EPB41: variants seen among roughly 807,000 people sequenced by gnomAD.
The protein encoded by EPB41 is erythrocyte membrane protein band 4.1.
A neutral mutation model predicts 108.0 loss-of-function variants in EPB41; 65 were observed. That is an observed-to-expected ratio of 0.60 (90% CI 0.49 to 0.74). The LOEUF (loss-of-function observed/expected upper bound fraction) is 0.74, where lower values mean the gene tolerates loss of function less well. Ranked by LOEUF, EPB41 falls within the 30% of genes least tolerant of loss-of-function variation. EPB41 has a pLI of 0.00. For missense variants in EPB41, 875 were observed against 1,037.0 expected, an observed-to-expected ratio of 0.84 and a Z score of 2.15; for synonymous variants, 336 against 358.9, an observed-to-expected ratio of 0.94 and a Z score of 0.72.
intron 3 of EPB41, among the ~76,000 whole-genome samples, chr1:28,996,461 G>T (rs1293171753): frequency 1.3e-5 from 2 of 152,184 alleles, no homozygotes; most frequent in Non-Finnish European, 2.9e-5. Flanking sequence ...GAAAATGATA[G>T]AGTCTAATGA....
At chr1:28,952,511 G>A (rs1040990326) in intron 1 of EPB41, among the ~76,000 whole-genome samples, 1 of 152,004 alleles carries the variant, frequency 6.6e-6, no homozygotes, top group Non-Finnish European at 1.5e-5. Context: ...GGGCGACAGA[G>A]CAAAACTCCA....
chr1:28,904,248 A>T (rs181591855), intron 1 of EPB41, among the ~76,000 whole-genome samples: 124 of 148,738 alleles, frequency 8.3e-4, no homozygotes, highest in African/African-American at 3.0e-3. Context: ...TTATAGAGCC[A>T]CTGGACTCAT....
intron 2 of EPB41, 103 bp downstream of exon 2, chr1:28,988,008 A>G: frequency 8.0e-7 from 1 of 1,249,898 alleles, no homozygotes; most frequent in Admixed American, 1.8e-5. Flanking sequence ...CATGCCTGTA[A>G]TTCCACCACT....
intron 1 of EPB41, among the ~76,000 whole-genome samples, chr1:28,964,226 G>T (rs1557837893): frequency 6.6e-6 from 1 of 152,132 alleles, no homozygotes; most frequent in Non-Finnish European, 1.5e-5. Flanking sequence ...ATCACTTTAG[G>T]TCAGGAATTT....
intron 1 of EPB41, among the ~76,000 whole-genome samples, chr1:28,960,454 A>G (rs923908538): frequency 2.0e-5 from 3 of 150,560 alleles, no homozygotes; most frequent in African/African-American, 2.4e-5. Flanking sequence ...CTGGCCAGGC[A>G]TAGTGGCTCA....
chr1:29,081,269 T>G (rs578258133), intron 16 of EPB41, among the ~76,000 whole-genome samples: 10 of 152,218 alleles, frequency 6.6e-5, no homozygotes, highest in Non-Finnish European at 1.5e-4. Flanking sequence ...TCACATCTGT[T>G]AGAAACATTT....
At chr1:28,939,568 CG>C in intron 1 of EPB41, among the ~76,000 whole-genome samples, 1 of 152,058 alleles carries the variant, frequency 6.6e-6, no homozygotes, top group South Asian at 2.1e-4. Flanking sequence ...CTCAGCCTCC[CG>C]AGTAGCTGGG....
chr1:28,923,787 T>G (rs2093282842), intron 1 of EPB41, among the ~76,000 whole-genome samples: 1 of 152,244 alleles, frequency 6.6e-6, no homozygotes, highest in Non-Finnish European at 1.5e-5. Flanking sequence ...TAAATAAATA[T>G]ACCAAAGAAT....
chr1:29,088,895 G>C (rs1660219824), intron 16 of EPB41, among the ~76,000 whole-genome samples: 1 of 152,070 alleles, frequency 6.6e-6, no homozygotes, highest in Non-Finnish European at 1.5e-5. Context: ...AGATCCCTTG[G>C]GCCCAGGGAT....
At chr1:28,924,951 T>C (rs1431900161) in intron 1 of EPB41, among the ~76,000 whole-genome samples, 19 of 145,892 alleles carry the variant, frequency 1.3e-4, no homozygotes, top group Admixed American at 1.2e-3. Context: ...CACACACCAC[T>C]ATGCCTGGCT....
chr1:28,997,952 A>G (rs2096219919), intron 4 of EPB41, among the ~76,000 whole-genome samples: 1 of 152,178 alleles, frequency 6.6e-6, no homozygotes, highest in Non-Finnish European at 1.5e-5. Flanking sequence ...AATTAATTGA[A>G]AATTGCAAAT....
intron 1 of EPB41, among the ~76,000 whole-genome samples, chr1:28,919,208 A>AT (rs969089736): frequency 5.3e-5 from 8 of 152,184 alleles, no homozygotes; most frequent in Non-Finnish European, 1.2e-4. Flanking sequence ...TATTTTGCTG[A>AT]TTTTTTATTT....
chr1:28,918,744 A>T (rs2092863793), intron 1 of EPB41, among the ~76,000 whole-genome samples: 1 of 152,238 alleles, frequency 6.6e-6, no homozygotes. Flanking sequence ...CAACAGAGTG[A>T]AATTCTGTCT....
intron 17 of EPB41, among the ~76,000 whole-genome samples, chr1:29,105,989 A>G (rs774013695): frequency 7.2e-5 from 11 of 152,038 alleles, no homozygotes; most frequent in Non-Finnish European, 1.2e-4. Context: ...ACCTCAGGCA[A>G]TCCACCTGCC....
chr1:29,079,539 T>C (rs1361348570), intron 16 of EPB41, among the ~76,000 whole-genome samples: 2 of 151,684 alleles, frequency 1.3e-5, no homozygotes, highest in Non-Finnish European at 1.5e-5. Flanking sequence ...GCTTCCCAAG[T>C]AGCTGGGATT....
intron 8 of EPB41, among the ~76,000 whole-genome samples, chr1:29,032,118 A>T (rs1157628801): frequency 6.6e-6 from 1 of 151,832 alleles, no homozygotes; most frequent in Non-Finnish European, 1.5e-5. Context: ...AAAAAAAAGA[A>T]AAAAGTTGTT....
chr1:29,028,012 C>T (rs1005366765), intron 7 of EPB41, among the ~76,000 whole-genome samples: 5 of 150,508 alleles, frequency 3.3e-5, no homozygotes, highest in South Asian at 2.1e-4. Context: ...TTAGTAGAGA[C>T]GGGGTTTCTC....
chr1:29,058,672 T>C, intron 13 of EPB41, 27 bp downstream of exon 13: 1 of 1,608,870 alleles, frequency 6.2e-7, no homozygotes, highest in Non-Finnish European at 8.5e-7. Flanking sequence ...CACTTGTTCC[T>C]CTTTCCCTCC....
chr1:29,046,832 C>A (rs1352422688), intron 11 of EPB41, among the ~76,000 whole-genome samples: 2 of 152,028 alleles, frequency 1.3e-5, no homozygotes, highest in African/African-American at 2.4e-5. Flanking sequence ...ATTATTTTTA[C>A]TTTCAATTTT....
Sources: gnomAD v4.1 joint callset for allele counts (sites outside exome capture counted in the v4.1 genomes callset) on GRCh38, gnomAD v4.1.1 for gene constraint, MANE v1.5 for transcripts, NCBI Gene and HGNC (gene_info 2026-07-23, HGNC 2026-07-21) for gene names.